SETD4: variants seen among roughly 807,000 people sequenced by gnomAD.
The protein encoded by SETD4 is SET domain-containing protein 4.
Under a neutral mutation model 58.3 loss-of-function variants are expected in SETD4, and 46 were observed. The observed-to-expected ratio is 0.79, with a 90% CI of 0.62 to 1.01. SETD4 has a LOEUF of 1.01. Among genes scored for constraint, SETD4 ranks in the 50% least tolerant of loss-of-function variants. SETD4 has a pLI of 0.00. For missense variants in SETD4, 490 were observed against 523.3 expected, an observed-to-expected ratio of 0.94 and a Z score of 0.62; for synonymous variants, 190 against 202.6, an observed-to-expected ratio of 0.94 and a Z score of 0.53.
intron 4 of SETD4, chr21:36,050,104 G>A (rs190486258): frequency 1.5e-5 from 10 of 664,022 alleles, no homozygotes; most frequent in African/African-American, 7.1e-5. Flanking sequence ...AGAAGCCCCT[G>A]TGCTCAGGAC....
intron 10 of SETD4, among the ~76,000 whole-genome samples, chr21:36,036,854 A>G (rs1221401587): frequency 2.6e-5 from 4 of 152,244 alleles, no homozygotes; most frequent in East Asian, 1.9e-4. Context: ...CCTTATAAAA[A>G]AGGAAATTTT....
At chr21:36,036,433 C>A (rs1447685068) in intron 10 of SETD4, 182 bp from the exon 11 acceptor site, 1 of 312,950 alleles carries the variant, frequency 3.2e-6, no homozygotes, top group Non-Finnish European at 4.6e-6. Context: ...AACAGAAACT[C>A]TACAAGCATA....
intron 1 of SETD4, chr21:36,059,462 G>C (rs528185771): frequency 6.6e-6 from 1 of 152,344 alleles, no homozygotes; most frequent in African/African-American, 2.4e-5. Flanking sequence ...TTGGGAGCCC[G>C]AGGCGGGCTG....
rs2064821887 is a variant in SETD4, at chr21:36,053,526, C to T, written c.207+57G>A. The T allele has an allele frequency of 1.9e-6, 3 of 1,595,182 alleles. No homozygotes were observed. In the African/African-American group the frequency reaches 4.0e-5, roughly 21 times the overall value. On this transcript the variant is annotated intron_variant, in intron 4 of 11. Transcript: ENST00000332131. ...TTTTTAATTCACTTCGTTTGAACCG[C>T]AAAAACAAAGCAGCAAAATCTACAT...
intron 10 of SETD4, 65 bp from the exon 11 acceptor site, chr21:36,036,316 CGTA>C (rs2123491855): frequency 7.0e-7 from 1 of 1,420,848 alleles, no homozygotes; most frequent in Non-Finnish European, 9.5e-7. Flanking sequence ...ACAGAACGTA[CGTA>C]CCTTTTTAAC....
chr21:36,038,257 C>T lies in SETD4; in HGVS notation c.1081G>A (p.Val361Ile), dbSNP rs777901969. The T allele has an allele frequency of 3.1e-6, 5 of 1,612,906 alleles. No individual in the cohort carries two copies. The African/African-American group carries it at 6.7e-5, about 22-fold the overall frequency. ...TCTGAAATTACCTCCCCAAGAAGTA[C>T]TTTTTTCCAGCATGTACTAGAACCA... ...EAEKFTCWKK[V>I]LLGEVISDTN... The change falls in exon 10 of 12, where the codon GTA (valine) becomes ATA (isoleucine). Residue 361 changes from valine to isoleucine, a missense_variant. Transcript: ENST00000332131.
In SETD4 at chr21:36,048,328, G is replaced by A. The variant is rs2064454763; in HGVS notation, c.276C>T (p.Tyr92=). ...LLTTDTVIRS[Y]LGAYITKWKP... ...CTTACTTAGTAATGTATGCCCCTAA[G>A]TAGCTTCGAATCACTGTGTCCGTGG... Residue 92 remains tyrosine (Y), a synonymous_variant, in exon 5 of 12, where the codon TAC becomes TAT. Transcript: ENST00000332131. The A allele has an allele frequency of 1.2e-6, 2 of 1,614,086 alleles. No individual in the cohort carries two copies. Among genetic ancestry groups the A allele is most frequent in the South Asian group, 2.2e-5 (2 of 91,074 alleles).
chr21:36,050,356 A>G, intron 4 of SETD4: 11 of 1,613,646 alleles, frequency 6.8e-6, no homozygotes, highest in Non-Finnish European at 9.3e-6. Flanking sequence ...GTGGTGATGG[A>G]TGAGGTGGTG....
intron 4 of SETD4, chr21:36,050,223 A>T: frequency 1.6e-6 from 2 of 1,234,856 alleles, no homozygotes; most frequent in Non-Finnish European, 2.4e-6. Flanking sequence ...CAAGATCTGT[A>T]GTTACGTGGC....
At chr21:36,051,094 TAG>T (rs1421494232) in intron 4 of SETD4, 23 of 1,417,862 alleles carry the variant, frequency 1.6e-5, no homozygotes, top group Non-Finnish European at 2.1e-5. Flanking sequence ...GCTTGTAATC[TAG>T]ATGTAGCTGG....
At chr21:36,053,320 C>G in intron 4 of SETD4, 3 of 526,966 alleles carry the variant, frequency 5.7e-6, no homozygotes, top group South Asian at 4.6e-5. Flanking sequence ...GACTGCCCCA[C>G]CAGCCAGGGT....
intron 9 of SETD4, 35 bp downstream of exon 9, chr21:36,040,540 T>A (rs1356165081): frequency 5.1e-6 from 8 of 1,578,060 alleles, no homozygotes; most frequent in Non-Finnish European, 6.1e-6. Context: ...TCTAGCCTGT[T>A]GCTACAGCTT....
chr21:36,059,906 C>T, intron 1 of SETD4: 1 of 985,394 alleles, frequency 1.0e-6, no homozygotes, highest in South Asian at 4.7e-5. Flanking sequence ...CAGACCGCGC[C>T]GGGAAGTGTC....
chr21:36,044,229 C>A (rs1030535401), intron 6 of SETD4, among the ~76,000 whole-genome samples: 1 of 152,224 alleles, frequency 6.6e-6, no homozygotes, highest in Non-Finnish European at 1.5e-5. Flanking sequence ...TTATTGGTCA[C>A]GTCCACTCAC....
chr21:36,059,942 A>G, intron 1 of SETD4: 1 of 985,320 alleles, frequency 1.0e-6, no homozygotes, highest in South Asian at 4.7e-5. Flanking sequence ...CCCTCGCGCG[A>G]GCTGTCCACC....
Position 36,040,627 on chromosome 21 carries a change from A to G in SETD4, c.1012T>C (p.Ser338Pro), listed in dbSNP as rs1181913488. 5 of 1,613,966 alleles carry G rather than the reference A, an allele frequency of 3.1e-6. No homozygotes were observed. In the Admixed American group the frequency reaches 5.0e-5, roughly 16 times the overall value. ...ENLTFGWDGP[S>P]WRLLTALKLL... ...TTAAGGGCTGTGAGTAGCCTCCAAG[A>G]TGGTCCATCCCATCCAAATGTCAAA... is the stretch of plus-strand genomic sequence containing the variant. The change falls in exon 9 of 12, where the codon TCT (serine) becomes CCT (proline). Residue 338 changes from serine to proline, a missense_variant. Physicochemically the swap from Ser to Pro is moderately conservative, Grantham distance 74. Transcript: ENST00000332131.
chr21:36,060,506 A>T lies in SETD4; in HGVS notation c.-196T>A, dbSNP rs958289640. The T allele has an allele frequency of 6.6e-6, 1 of 152,426 alleles. No individual in the cohort carries two copies. Among genetic ancestry groups the T allele is most frequent in the Non-Finnish European group, 1.5e-5 (1 of 68,196 alleles). The allele number at this position is 152,426 out of a possible 1,614,324, so 9.4% of individuals were successfully genotyped here. On this transcript the variant is annotated 5_prime_UTR_variant, in exon 1 of 12. Coordinates refer to ENST00000332131, the MANE Select transcript of SETD4 (RefSeq NM_017438.5). ...TCGCGCCTGCCTGGTGTCCTTAAGC[A>T]ATCCAAGTCCTCAGTCTCCCGGGTC...
intron 9 of SETD4, 142 bp from the exon 10 acceptor site, chr21:36,038,415 TC>T: frequency 9.6e-7 from 1 of 1,036,880 alleles, no homozygotes; most frequent in South Asian, 1.6e-5. Flanking sequence ...TCCCCAAACC[TC>T]CATGCCACTT....
intron 9 of SETD4, among the ~76,000 whole-genome samples, chr21:36,038,868 G>GC (rs1242008811): frequency 6.6e-6 from 1 of 152,150 alleles, no homozygotes; most frequent in African/African-American, 2.4e-5. Flanking sequence ...TGTGGCAGGT[G>GC]CAAGGGAGCC....
Sources: gnomAD v4.1 joint callset for allele counts (sites outside exome capture counted in the v4.1 genomes callset) on GRCh38, gnomAD v4.1.1 for gene constraint, MANE v1.5 for transcripts, NCBI Gene and HGNC (gene_info 2026-07-23, HGNC 2026-07-21) for gene names.